Variants in RNF212B observed in about 807,000 individuals in gnomAD.
RNF212B encodes ring finger protein 212B, also known as E3 ubiquitin-protein ligase RNF212B.
A neutral mutation model predicts 55.5 loss-of-function variants in RNF212B; 52 were observed. That is an observed-to-expected ratio of 0.94 (90% CI 0.75 to 1.18). The LOEUF (loss-of-function observed/expected upper bound fraction) is 1.18. RNF212B is among the 50% of genes most tolerant of loss of function. The pLI, the probability that RNF212B is intolerant of heterozygous loss-of-function variation, is 0.00. For synonymous variants in RNF212B, 99 were observed against 121.4 expected, an observed-to-expected ratio of 0.82 and a Z score of 1.21; for missense variants, 289 against 350.4, an observed-to-expected ratio of 0.82 and a Z score of 1.40.
At chr14:23,254,318 A>AC (rs1884637472) in intron 4 of RNF212B, among the ~76,000 whole-genome samples, 1 of 147,036 alleles carries the variant, frequency 6.8e-6, no homozygotes, top group South Asian at 2.2e-4. Flanking sequence ...AAAACAAAAC[A>AC]AAAAAACAAA....
chr14:23,228,685 A>C lies in RNF212B; in HGVS notation c.-1-11660A>C, dbSNP rs190222188. On this transcript the variant is annotated intron_variant, in intron 2 of 15. Coordinates refer to the RNF212B transcript ENST00000399910. ...ACAAAACAAAACAAAACAAAAACAC[A>C]AGAAGAAGAAAGAACAAAGAGGATC... 2.6e-3 allele frequency among the ~76,000 whole-genome samples: 385 copies of C among 149,262 alleles called. 2 individuals are homozygous for C. Among genetic ancestry groups the C allele is most frequent in the African/African-American group, 9.4e-3 (366 of 38,950 alleles).
At chr14:23,227,603 G>T (rs1882150813) in intron 2 of RNF212B, among the ~76,000 whole-genome samples, 1 of 144,604 alleles carries the variant, frequency 6.9e-6, no homozygotes, top group Admixed American at 6.9e-5. Context: ...AACAAAAAGT[G>T]TTTTTTTGTT....
At chr14:23,256,616 C>A (rs1355240359) in intron 4 of RNF212B, among the ~76,000 whole-genome samples, 3 of 152,110 alleles carry the variant, frequency 2.0e-5, no homozygotes, top group African/African-American at 7.2e-5. Flanking sequence ...AAGTGATCTG[C>A]CCACCTTGGT....
intron 1 of RNF212B, chr14:23,188,421 C>T (rs1234840744): frequency 2.7e-5 from 4 of 148,692 alleles, no homozygotes; most frequent in Non-Finnish European, 4.4e-5. Flanking sequence ...GAAACTTCCC[C>T]TTCTTAATTG....
chr14:23,186,218 T>G (rs369362642), intron 1 of RNF212B, among the ~76,000 whole-genome samples: 13 of 152,288 alleles, frequency 8.5e-5, no homozygotes, highest in African/African-American at 2.9e-4. Context: ...TTTTGTGACA[T>G]AAACTCTTAA....
intron 2 of RNF212B, among the ~76,000 whole-genome samples, chr14:23,243,022 A>T (rs1369351192): frequency 6.6e-6 from 1 of 151,738 alleles, no homozygotes; most frequent in Non-Finnish European, 1.5e-5. Context: ...GGAGATGGGT[A>T]GACGTACGGT....
At chr14:23,229,859 T>C (rs1452869684) in intron 2 of RNF212B, 3 of 155,386 alleles carry the variant, frequency 1.9e-5, no homozygotes, top group Admixed American at 1.9e-4. Flanking sequence ...CAATAAAACA[T>C]GCCCAACTGT....
intron 9 of RNF212B, among the ~76,000 whole-genome samples, chr14:23,263,521 T>G (rs1885455034): frequency 6.6e-6 from 1 of 152,148 alleles, no homozygotes; most frequent in Non-Finnish European, 1.5e-5. Context: ...ATGTCTCGGC[T>G]TAAGGGAGTT....
At chr14:23,207,674 CAAAA>C in intron 2 of RNF212B, among the ~76,000 whole-genome samples, 1 of 152,238 alleles carries the variant, frequency 6.6e-6, no homozygotes, top group East Asian at 1.9e-4. Context: ...CCATGGTTAC[CAAAA>C]TGCGAATCCT....
At chr14:23,207,485 C>T (rs1335349671) in intron 2 of RNF212B, among the ~76,000 whole-genome samples, 1 of 152,124 alleles carries the variant, frequency 6.6e-6, no homozygotes, top group Non-Finnish European at 1.5e-5. Flanking sequence ...AAGAGTTGTA[C>T]AGCAAAATAA....
chr14:23,255,249 GT>G (rs1253182921), intron 4 of RNF212B, among the ~76,000 whole-genome samples: 3 of 152,194 alleles, frequency 2.0e-5, no homozygotes, highest in Admixed American at 2.0e-4. Flanking sequence ...CTCATTCTGT[GT>G]TTTAGAATAA....
intron 2 of RNF212B, among the ~76,000 whole-genome samples, chr14:23,217,255 T>TG (rs374552073): frequency 0.029 from 684 of 23,944 alleles, 17 homozygotes; most frequent in African/African-American, 0.05. Flanking sequence ...GTGGCAGTGG[T>TG]GGGGGGGGGG....
At chr14:23,227,528 A>G (rs1882142880) in intron 2 of RNF212B, among the ~76,000 whole-genome samples, 1 of 152,212 alleles carries the variant, frequency 6.6e-6, no homozygotes, top group South Asian at 2.1e-4. Context: ...CTGTATGTAT[A>G]TTATACATCA....
chr14:23,238,033 C>A lies in RNF212B; in HGVS notation c.-24C>A, dbSNP rs1013891641. ...ATGATTTCCTGAGATCTGAGGCTTT[C>A]TGGAATCACAGCGGCCAAGCGGGTA... On this transcript the variant is annotated 5_prime_UTR_variant, in exon 1 of 15. In the 5' UTR this introduces an upstream ATG that the reference lacks. Coordinates refer to ENST00000430154, the MANE Select transcript of RNF212B (RefSeq NM_001282322.3). 3.3e-5 allele frequency among the ~76,000 whole-genome samples: 5 copies of A among 152,212 alleles called. No homozygotes were observed. Among genetic ancestry groups the A allele is most frequent in the Non-Finnish European group, 7.3e-5 (5 of 68,032 alleles).
intron 2 of RNF212B, among the ~76,000 whole-genome samples, chr14:23,232,655 C>T (rs1191603375): frequency 6.6e-6 from 1 of 150,858 alleles, no homozygotes; most frequent in Non-Finnish European, 1.5e-5. Context: ...GGGGTCAGCC[C>T]CCACCAGGCC....
intron 11 of RNF212B, among the ~76,000 whole-genome samples, chr14:23,268,411 A>G (rs1184449003): frequency 3.3e-5 from 5 of 152,192 alleles, no homozygotes; most frequent in African/African-American, 1.2e-4. Flanking sequence ...TGCTGTTTTT[A>G]CTAACATTTT....
At chr14:23,230,355 A>G (rs1220031887) in intron 2 of RNF212B, among the ~76,000 whole-genome samples, 1 of 151,972 alleles carries the variant, frequency 6.6e-6, no homozygotes, top group Non-Finnish European at 1.5e-5. Context: ...CTATTTTTGT[A>G]TTTAAAAAGC....
intron 2 of RNF212B, among the ~76,000 whole-genome samples, chr14:23,210,496 G>A (rs918424062): frequency 3.9e-5 from 6 of 152,136 alleles, no homozygotes; most frequent in Non-Finnish European, 5.9e-5. Flanking sequence ...ATGTAGGATG[G>A]GGTGGGCGTG....
chr14:23,238,529 A>G (rs1250924249), intron 1 of RNF212B, among the ~76,000 whole-genome samples: 1 of 151,750 alleles, frequency 6.6e-6, no homozygotes, highest in Admixed American at 6.6e-5. Context: ...GGAGTTCCAG[A>G]CCAGCCTGGG....
Sources: gnomAD v4.1 joint callset for allele counts (sites outside exome capture counted in the v4.1 genomes callset) on GRCh38, gnomAD v4.1.1 for gene constraint, MANE v1.5 for transcripts, NCBI Gene and HGNC (gene_info 2026-07-23, HGNC 2026-07-21) for gene names.